SLC22A4: variants seen among roughly 807,000 people sequenced by gnomAD.
SLC22A4 encodes the protein ET transporter.
Under a neutral mutation model 56.6 loss-of-function variants are expected in SLC22A4, and 39 were observed. The ratio of observed to expected loss-of-function variants is 0.69; its 90% CI spans 0.53 to 0.90. The LOEUF (loss-of-function observed/expected upper bound fraction) is 0.90, where lower values mean the gene tolerates loss of function less well. Among genes scored for constraint, SLC22A4 ranks in the 40% least tolerant of loss-of-function variants. The pLI, the probability that SLC22A4 is intolerant of heterozygous loss-of-function variation, is 0.00. For missense variants in SLC22A4, 594 were observed against 696.5 expected (o/e 0.85, Z 1.66); for synonymous variants, 241 against 281.4 (o/e 0.86, Z 1.44).
intron 8 of SLC22A4, among the ~76,000 whole-genome samples, chr5:132,337,465 C>T (rs192631589): frequency 3.3e-4 from 49 of 150,630 alleles, no homozygotes; most frequent in African/African-American, 1.0e-3. Flanking sequence ...CTGGTAGAGA[C>T]GGGATTTTGC....
intron 5 of SLC22A4, among the ~76,000 whole-genome samples, chr5:132,331,093 G>A (rs1026133131): frequency 3.9e-5 from 6 of 152,130 alleles, no homozygotes; most frequent in Admixed American, 2.0e-4. Flanking sequence ...AGCACTTTGG[G>A]AGGCCAAAGT....
intron 5 of SLC22A4, among the ~76,000 whole-genome samples, chr5:132,329,855 A>G (rs551821238): frequency 3.3e-5 from 5 of 152,318 alleles, no homozygotes; most frequent in Admixed American, 3.3e-4. Context: ...CAAGTGCTTT[A>G]AGAATACAGA....
At chr5:132,334,489 C>G (rs1580845807) in intron 6 of SLC22A4, among the ~76,000 whole-genome samples, 1 of 152,146 alleles carries the variant, frequency 6.6e-6, no homozygotes, top group Non-Finnish European at 1.5e-5. Flanking sequence ...CTATGTCGTT[C>G]AATATAGTAG....
chr5:132,304,459 A>G (rs1561535106), intron 1 of SLC22A4, among the ~76,000 whole-genome samples: 1 of 152,224 alleles, frequency 6.6e-6, no homozygotes, highest in Non-Finnish European at 1.5e-5. Flanking sequence ...TCTACTAAAA[A>G]TACAAAAATT....
intron 4 of SLC22A4, among the ~76,000 whole-genome samples, chr5:132,323,743 G>T (rs1055123191): frequency 6.6e-6 from 1 of 152,182 alleles, no homozygotes; most frequent in Non-Finnish European, 1.5e-5. Flanking sequence ...CTTGCTAGCT[G>T]AATTTATTGG....
chr5:132,313,683 C>T lies in SLC22A4; in HGVS notation c.567C>T (p.Phe189=), dbSNP rs750278877. ...CTGGCTTCAGCTTCCTGCAGATTTT[C>T]TCCATCAGCTGGGAGATGTTCACTG... ...VQTGFSFLQI[F]SISWEMFTVL... is the part of the protein sequence containing the mutation. Residue 189 remains phenylalanine, a synonymous_variant, in exon 3 of 10, where the codon TTC becomes TTT. Transcript: ENST00000200652. The T allele has an allele frequency of 1.2e-6, 2 of 1,614,110 alleles. No homozygotes were observed. The highest frequency in any genetic ancestry group is 1.7e-6 in the Non-Finnish European group (2 of 1,179,910).
chr5:132,323,487 T>C lies in SLC22A4; in HGVS notation c.824+1132T>C, dbSNP rs542388466. ...TGCTGTGATTTACTAGTGTAAATTA[T>C]TGGCATGAAGTGTGCAGGGGGAGTT... is the stretch of plus-strand genomic sequence containing the variant. On this transcript the variant is annotated intron_variant, in intron 4 of 9. Transcript: ENST00000200652. Among the ~76,000 whole-genome samples, 16 of 152,342 alleles carry C rather than the reference T, an allele frequency of 1.1e-4. No homozygotes were observed. The South Asian group carries it at 3.1e-3, about 30-fold the overall frequency.
rs765091021 is a variant in SLC22A4, at chr5:132,322,202, A to G, written c.671A>G (p.Lys224Arg). The G allele has an allele frequency of 1.9e-6, 3 of 1,613,280 alleles. No individual in the cohort carries two copies. In the Admixed American group the frequency reaches 5.0e-5, roughly 27 times the overall value. ...TGAACAGGAACAGAAATTCTTGGCA[A>G]GTCAGTTCGTATTATATTCTCTACA... ...AFILGTEILG[K>R]SVRIIFSTLG... The change falls in exon 4 of 10, where the codon AAG becomes AGG. Residue 224 changes from lysine (K) to arginine (R), a missense_variant. Coordinates refer to ENST00000200652, the MANE Select transcript of SLC22A4 (RefSeq NM_003059.3).
chr5:132,342,602 A>G (rs1751254158), intron 9 of SLC22A4, among the ~76,000 whole-genome samples: 1 of 152,214 alleles, frequency 6.6e-6, no homozygotes, highest in Non-Finnish European at 1.5e-5. Flanking sequence ...TCAGGTCCCC[A>G]GGTTACCCAC....
chr5:132,300,493 A>G (rs941617170), intron 1 of SLC22A4, among the ~76,000 whole-genome samples: 2 of 152,242 alleles, frequency 1.3e-5, no homozygotes, highest in African/African-American at 2.4e-5. Flanking sequence ...ACATTTATTA[A>G]TTGGAATTCT....
intron 1 of SLC22A4, among the ~76,000 whole-genome samples, chr5:132,298,690 GC>G (rs1477215402): frequency 6.6e-6 from 1 of 152,202 alleles, no homozygotes; most frequent in Non-Finnish European, 1.5e-5. Context: ...GTGAGATAAT[GC>G]CCCATGCCCC....
intron 4 of SLC22A4, chr5:132,324,640 C>G (rs890855030): frequency 4.3e-6 from 2 of 466,008 alleles, no homozygotes; most frequent in Non-Finnish European, 8.9e-6. Flanking sequence ...CCCATCCTTG[C>G]AGGTGGGTCT....
rs570412828 is a variant in SLC22A4, at chr5:132,312,056, G to A, written c.394-105G>A. On this transcript the variant is annotated intron_variant, in intron 1 of 9. Transcript: ENST00000200652. ...ACAAAGGCAATATCCTGGCCCAGGGGAGGAGAGTCTGCCCGCCAGCCGTGC... is the reference window on the plus strand; with the variant it reads ...ACAAAGGCAATATCCTGGCCCAGGGAAGGAGAGTCTGCCCGCCAGCCGTGC... The A allele has an allele frequency of 7.9e-5, 63 of 794,846 alleles. No homozygotes were observed. In the East Asian group the frequency reaches 1.5e-3, roughly 18 times the overall value. 49.2% of individuals were successfully genotyped at this position (794,846 alleles called of 1,614,324 possible).
intron 3 of SLC22A4, among the ~76,000 whole-genome samples, chr5:132,315,714 G>A (rs933660866): frequency 6.6e-6 from 1 of 152,184 alleles, no homozygotes; most frequent in Non-Finnish European, 1.5e-5. Flanking sequence ...CAGCAGCCTC[G>A]CTATCAGCTG....
chr5:132,335,445 CA>C (rs1489041925), intron 7 of SLC22A4, among the ~76,000 whole-genome samples: 2 of 152,164 alleles, frequency 1.3e-5, no homozygotes, highest in Non-Finnish European at 2.9e-5. Flanking sequence ...AATAGAAATA[CA>C]TATTTCTTAA....
chr5:132,334,963 C>T, intron 7 of SLC22A4, 31 bp downstream of exon 7: 1 of 1,461,576 alleles, frequency 6.8e-7, no homozygotes, highest in Admixed American at 1.7e-5. Flanking sequence ...AACAGCTTAC[C>T]AGAAAAGACC....
chr5:132,310,205 A>G (rs919763339), intron 1 of SLC22A4, among the ~76,000 whole-genome samples: 14 of 152,224 alleles, frequency 9.2e-5, no homozygotes, highest in Admixed American at 6.5e-5. Context: ...CCAAGTAGGT[A>G]TCTATCATGC....
chr5:132,335,884 T>C lies in SLC22A4; in HGVS notation c.1328T>C (p.Met443Thr). 2 of 1,614,168 alleles carry C rather than the reference T, an allele frequency of 1.2e-6. No individual in the cohort carries two copies. Among genetic ancestry groups the C allele is most frequent in the Non-Finnish European group, 1.7e-6 (2 of 1,180,002 alleles). ...GKFGITSAFS[M>T]LYVFTAELYP... ...TTTGGGATCACCTCTGCTTTCTCCATGCTGTATGTCTTCACTGCTGAGCTC... is the reference window on the plus strand; with the variant it reads ...TTTGGGATCACCTCTGCTTTCTCCACGCTGTATGTCTTCACTGCTGAGCTC... The change falls in exon 8 of 10, where the codon ATG becomes ACG. Residue 443 changes from methionine (M) to threonine (T), a missense_variant. Coordinates refer to ENST00000200652, the MANE Select transcript of SLC22A4 (RefSeq NM_003059.3).
chr5:132,311,736 C>T, intron 1 of SLC22A4: 1 of 220,714 alleles, frequency 4.5e-6, no homozygotes, highest in Non-Finnish European at 9.2e-6. Flanking sequence ...ACCAAGTGGC[C>T]ATGCCCTCTG....
Sources: gnomAD v4.1 joint callset for allele counts (sites outside exome capture counted in the v4.1 genomes callset) on GRCh38, gnomAD v4.1.1 for gene constraint, MANE v1.5 for transcripts, NCBI Gene and HGNC (gene_info 2026-07-23, HGNC 2026-07-21) for gene names.